KCNN3: variants seen among roughly 807,000 people sequenced by gnomAD.
The protein encoded by KCNN3 is potassium calcium-activated channel subfamily N member 3, also known as small conductance calcium-activated potassium channel protein 3.
In KCNN3, 16 loss-of-function variants were observed where a neutral mutation model predicts 62.9. The ratio of observed to expected loss-of-function variants is 0.25; its 90% CI spans 0.17 to 0.39. The LOEUF (loss-of-function observed/expected upper bound fraction) is 0.39. KCNN3 is among the 10% of genes least tolerant of loss of function. The pLI is 1.00. For synonymous variants in KCNN3, 370 were observed against 389.2 expected, an observed-to-expected ratio of 0.95 and a Z score of 0.58; for missense variants, 599 against 949.4, an observed-to-expected ratio of 0.63 and a Z score of 4.85.
chr1:154,834,433 G>A (rs867819135), intron 1 of KCNN3, among the ~76,000 whole-genome samples: 1 of 152,210 alleles, frequency 6.6e-6, no homozygotes, highest in African/African-American at 2.4e-5. Context: ...ATGGTCTAGG[G>A]GGGGTCAGGG....
intron 1 of KCNN3, among the ~76,000 whole-genome samples, chr1:154,842,629 ACCC>A (rs745306692): frequency 9.5e-5 from 4 of 41,972 alleles, no homozygotes; most frequent in East Asian, 6.8e-4. Flanking sequence ...TCATTCAGGG[ACCC>A]CCCCCCCGCC....
intron 1 of KCNN3, among the ~76,000 whole-genome samples, chr1:154,849,593 G>T (rs1652226064): frequency 6.6e-6 from 1 of 152,230 alleles, no homozygotes; most frequent in South Asian, 2.1e-4. Flanking sequence ...CTTCACTGAG[G>T]CATGAGGAGT....
chr1:154,718,936 C>T (rs1052083916), intron 5 of KCNN3, among the ~76,000 whole-genome samples: 2 of 152,164 alleles, frequency 1.3e-5, no homozygotes, highest in African/African-American at 4.8e-5. Flanking sequence ...ACTTCCCCAG[C>T]CAGCAAGAAA....
intron 3 of KCNN3, among the ~76,000 whole-genome samples, chr1:154,760,877 G>A (rs528634323): frequency 1.3e-4 from 20 of 152,316 alleles, no homozygotes; most frequent in Non-Finnish European, 2.4e-4. Context: ...CTCCGGCCCC[G>A]CAAAGGCGCC....
At chr1:154,818,469 C>G (rs974569181) in intron 2 of KCNN3, among the ~76,000 whole-genome samples, 1 of 152,156 alleles carries the variant, frequency 6.6e-6, no homozygotes, top group Admixed American at 6.5e-5. Context: ...TAAACGTGTC[C>G]CCTCCAAAAT....
intron 2 of KCNN3, among the ~76,000 whole-genome samples, chr1:154,802,603 T>C (rs1215923128): frequency 6.6e-6 from 1 of 152,100 alleles, no homozygotes; most frequent in Non-Finnish European, 1.5e-5. Flanking sequence ...ACCTACTCAG[T>C]CATGGTTTAG....
intron 7 of KCNN3, among the ~76,000 whole-genome samples, chr1:154,709,100 C>T (rs1157713549): frequency 6.6e-6 from 1 of 152,158 alleles, no homozygotes; most frequent in African/African-American, 2.4e-5. Context: ...CTCCTGCACT[C>T]AGCACTGACT....
At chr1:154,712,507 C>T (rs1371452419) in intron 7 of KCNN3, among the ~76,000 whole-genome samples, 1 of 152,146 alleles carries the variant, frequency 6.6e-6, no homozygotes, top group East Asian at 1.9e-4. Context: ...TTAAACAAGG[C>T]ACCTGCACGT....
chr1:154,729,365 G>A (rs980846698), intron 4 of KCNN3, among the ~76,000 whole-genome samples: 2 of 152,228 alleles, frequency 1.3e-5, no homozygotes, highest in South Asian at 4.1e-4. Flanking sequence ...CTTCTGATGA[G>A]CTGGAACTTC....
chr1:154,847,210 C>T (rs762693677), intron 1 of KCNN3, among the ~76,000 whole-genome samples: 1 of 151,904 alleles, frequency 6.6e-6, no homozygotes, highest in Non-Finnish European at 1.5e-5. Context: ...CACTACCCCC[C>T]CCTGCCCTCG....
intron 3 of KCNN3, among the ~76,000 whole-genome samples, chr1:154,748,190 T>G (rs1025225295): frequency 2.6e-5 from 4 of 152,148 alleles, no homozygotes; most frequent in African/African-American, 9.7e-5. Context: ...GCCTCTGCTT[T>G]CTGTTTAAAG....
intron 4 of KCNN3, among the ~76,000 whole-genome samples, chr1:154,732,533 G>A (rs987027300): frequency 6.6e-6 from 1 of 152,212 alleles, no homozygotes; most frequent in South Asian, 2.1e-4. Flanking sequence ...GGTCCCAAAG[G>A]CCGACTCAGT....
chr1:154,804,852 G>A (rs944139593), intron 2 of KCNN3, among the ~76,000 whole-genome samples: 4 of 152,106 alleles, frequency 2.6e-5, no homozygotes, highest in African/African-American at 7.2e-5. Flanking sequence ...GGCAGGGTTC[G>A]GCTTTGCACC....
intron 3 of KCNN3, among the ~76,000 whole-genome samples, chr1:154,762,569 T>A (rs569037327): frequency 2.6e-4 from 39 of 152,380 alleles, no homozygotes; most frequent in Admixed American, 1.7e-3. Flanking sequence ...TTACCTCTTG[T>A]CATGTTTGCT....
chr1:154,784,258 C>T (rs1649182449), intron 2 of KCNN3, among the ~76,000 whole-genome samples: 1 of 152,172 alleles, frequency 6.6e-6, no homozygotes, highest in Non-Finnish European at 1.5e-5. Flanking sequence ...CAAACCAAAT[C>T]ATGTCACCTC....
intron 1 of KCNN3, chr1:154,859,639 A>G: frequency 6.5e-7 from 1 of 1,547,248 alleles, no homozygotes; most frequent in Non-Finnish European, 8.9e-7. Context: ...AAGCCAGGCA[A>G]CAGGTCATCT....
intron 4 of KCNN3, 140 bp from the exon 5 acceptor site, chr1:154,726,166 C>T: frequency 1.6e-6 from 1 of 641,572 alleles, no homozygotes; most frequent in South Asian, 1.8e-5. Flanking sequence ...CTGGTCACGA[C>T]CAAGCCACAA....
intron 2 of KCNN3, among the ~76,000 whole-genome samples, chr1:154,783,196 G>C (rs1277705608): frequency 1.4e-5 from 2 of 141,658 alleles, no homozygotes; most frequent in Middle Eastern, 3.7e-3. Flanking sequence ...CTGGGTGACA[G>C]AACGAGACTC....
intron 2 of KCNN3, among the ~76,000 whole-genome samples, chr1:154,806,942 C>A (rs1650196808): frequency 2.0e-5 from 3 of 152,100 alleles, no homozygotes; most frequent in Admixed American, 2.0e-4. Context: ...GTGGTCCCAG[C>A]CCCGGGAACT....
Sources: allele counts gnomAD v4.1 joint callset (sites outside exome capture counted in the v4.1 genomes callset), GRCh38; gene constraint gnomAD v4.1.1; transcripts MANE v1.5; gene names NCBI Gene and HGNC (gene_info 2026-07-23, HGNC 2026-07-21).